KCNQ4: variants seen among roughly 807,000 people sequenced by gnomAD.
KCNQ4 encodes potassium voltage-gated channel subfamily KQT member 4.
KCNQ4 carries 31 observed loss-of-function variants against 72.6 expected under a neutral mutation model. The ratio of observed to expected loss-of-function variants is 0.43; its 90% CI spans 0.32 to 0.58. The LOEUF (loss-of-function observed/expected upper bound fraction) is 0.58. Among genes scored for constraint, KCNQ4 ranks in the 20% least tolerant of loss-of-function variants. KCNQ4 has a pLI of 0.08. For missense variants in KCNQ4, 869 were observed against 962.6 expected (o/e 0.90, Z 1.29); for synonymous variants, 405 against 403.7 (o/e 1.00, Z -0.04).
At chr1:40,824,301 C>T (rs1400247919) in intron 9 of KCNQ4, 43 bp downstream of exon 9, 1 of 1,580,124 alleles carries the variant, frequency 6.3e-7, no homozygotes, top group Non-Finnish European at 8.6e-7. Flanking sequence ...GCTTCTCCTC[C>T]TCTTCTTCCA....
intron 9 of KCNQ4, among the ~76,000 whole-genome samples, chr1:40,826,486 C>G (rs889935671): frequency 3.3e-5 from 5 of 152,184 alleles, no homozygotes; most frequent in African/African-American, 1.2e-4. Flanking sequence ...AGAACATCTA[C>G]GTTCTGGTGA....
Position 40,804,570 on chromosome 1 carries a change from C to A in KCNQ4, c.315-12695C>A, listed in dbSNP as rs117705564. Among the ~76,000 whole-genome samples, 192 of 152,320 alleles carry A rather than the reference C, an allele frequency of 1.3e-3. 5 individuals carry two copies. In the East Asian group the frequency reaches 0.032, roughly 25 times the overall value. ...GTGGCTCATGCCTGTAAGCCCAGCACTTTGGGAGATGGAGGCAGGAGAATT... is the reference window on the plus strand; with the variant it reads ...GTGGCTCATGCCTGTAAGCCCAGCAATTTGGGAGATGGAGGCAGGAGAATT... On this transcript the variant is annotated intron_variant, in intron 1 of 13. Coordinates refer to ENST00000347132, the MANE Select transcript of KCNQ4 (RefSeq NM_004700.4).
chr1:40,792,597 G>T (rs574378010), intron 1 of KCNQ4, among the ~76,000 whole-genome samples: 1 of 152,136 alleles, frequency 6.6e-6, no homozygotes, highest in Non-Finnish European at 1.5e-5. Flanking sequence ...CTGCCTCCCT[G>T]CTGCCCGTTC....
Position 40,784,153 on chromosome 1 carries a change from C to T in KCNQ4, c.60C>T (p.Arg20=), listed in dbSNP as rs1342847028. The T allele has an allele frequency of 1.9e-6, 2 of 1,057,116 alleles. No homozygotes were observed. The highest frequency in any genetic ancestry group is 6.0e-5 in the South Asian group (2 of 33,166). 65.5% of individuals were successfully genotyped at this position (1,057,116 alleles called of 1,614,324 possible). Residue 20 remains arginine, a synonymous_variant, in exon 1 of 14, where the codon CGC becomes CGT. Coordinates refer to ENST00000347132, the MANE Select transcript of KCNQ4 (RefSeq NM_004700.4). This position sits in a 1 kb window ranked among gnomAD's most constrained non-coding sequence, Gnocchi z 4.1. The stretch of plus-strand genomic sequence containing the variant: ...GTCCCCCGCCCGGGGACGCCCCCCG[C>T]GCGGAGCTAGTGGCGCTCACGGCCG... ...GLGPPPGDAP[R]AELVALTAVQ...
intron 2 of KCNQ4, 91 bp from the exon 3 acceptor site, chr1:40,818,073 C>T: frequency 5.1e-6 from 8 of 1,573,554 alleles, no homozygotes; most frequent in Non-Finnish European, 7.0e-6. Context: ...CCTGGTCCCC[C>T]TAACCCAGGG....
chr1:40,809,406 C>CCT (rs369365077), intron 1 of KCNQ4, among the ~76,000 whole-genome samples: 1 of 151,702 alleles, frequency 6.6e-6, no homozygotes, highest in Non-Finnish European at 1.5e-5. Context: ...TGCCCATAGC[C>CCT]CTCTCTCTCT....
chr1:40,828,133 C>G (rs1241684594), intron 9 of KCNQ4, among the ~76,000 whole-genome samples: 2 of 152,176 alleles, frequency 1.3e-5, no homozygotes, highest in African/African-American at 4.8e-5. Context: ...GCCTCTGTTC[C>G]CCCAGTGAGA....
At chr1:40,832,182 A>G (rs1162513247) in intron 10 of KCNQ4, among the ~76,000 whole-genome samples, 2 of 152,206 alleles carry the variant, frequency 1.3e-5, no homozygotes, top group African/African-American at 4.8e-5. Flanking sequence ...CAGCTTTGAC[A>G]TACTTTAGGC....
At chr1:40,830,973 G>C in intron 9 of KCNQ4, 111 bp from the exon 10 acceptor site, 1 of 877,152 alleles carries the variant, frequency 1.1e-6, no homozygotes, top group South Asian at 1.5e-5. Context: ...CGCTTGGCGG[G>C]GAATCCAGAC....
intron 1 of KCNQ4, among the ~76,000 whole-genome samples, chr1:40,785,478 C>A (rs558954822): frequency 9.8e-5 from 15 of 152,360 alleles, no homozygotes; most frequent in African/African-American, 3.4e-4. Context: ...GCCCACCTGC[C>A]TGCCCACCTG....
At chr1:40,812,610 A>G (rs989725868) in intron 1 of KCNQ4, among the ~76,000 whole-genome samples, 2 of 152,164 alleles carry the variant, frequency 1.3e-5, no homozygotes, top group Non-Finnish European at 2.9e-5. Context: ...ATGTAATGAG[A>G]GTATCAAGGG....
At position 40,784,589 on chromosome 1, in the gene KCNQ4, C is replaced by G. The variant is rs1179225157; in HGVS notation, c.314+182C>G. Among the ~76,000 whole-genome samples the G allele has an allele frequency of 3.3e-5, 5 of 152,092 alleles. No individual in the cohort carries two copies. Among genetic ancestry groups the G allele is most frequent in the African/African-American group, 1.2e-4 (5 of 41,420 alleles). ...GCTGAGCCCGACCCTAAGCCCTGAT[C>G]TCCCAGGCCTGACCCCTGCTTGACC... On this transcript the variant is annotated intron_variant, in intron 1 of 13. Coordinates refer to ENST00000347132, the MANE Select transcript of KCNQ4 (RefSeq NM_004700.4). The surrounding 1 kb of genome is among the most constrained non-coding windows in gnomAD (Gnocchi z 4.1).
At chr1:40,833,211 C>G in intron 11 of KCNQ4, 98 bp downstream of exon 11, 1 of 818,100 alleles carries the variant, frequency 1.2e-6, no homozygotes, top group South Asian at 1.4e-5. Flanking sequence ...GAGTTTGAGA[C>G]CAGCCTGGCC....
intron 1 of KCNQ4, among the ~76,000 whole-genome samples, chr1:40,816,344 C>T (rs577590442): frequency 4.2e-4 from 64 of 152,266 alleles, no homozygotes; most frequent in African/African-American, 1.5e-3. Flanking sequence ...CCTCTCACCT[C>T]GCTCTCCTTC....
At chr1:40,824,347 G>C in intron 9 of KCNQ4, 89 bp downstream of exon 9, 1 of 1,420,252 alleles carries the variant, frequency 7.0e-7, no homozygotes, top group Non-Finnish European at 9.6e-7. Context: ...CCTGCCTTCA[G>C]CCACTTCGTG....
At position 40,838,471 on chromosome 1, in the gene KCNQ4, T is replaced by A; in HGVS notation, c.2036T>A (p.Val679Asp). Residue 679 changes from valine to aspartate, a missense_variant, in exon 14 of 14, where the codon GTC becomes GAC. Transcript: ENST00000347132. ...HSPVDHEDIS[V>D]SAQTLSISRS... The stretch of plus-strand genomic sequence containing the variant: ...CCTGTGGACCACGAGGACATCTCCG[T>A]CTCCGCACAGACGCTCAGCATCTCC... The A allele has an allele frequency of 1.2e-6, 2 of 1,614,116 alleles. No homozygotes were observed. Among genetic ancestry groups the A allele is most frequent in the Non-Finnish European group, 1.7e-6 (2 of 1,179,974 alleles).
intron 1 of KCNQ4, among the ~76,000 whole-genome samples, chr1:40,810,567 AC>A (rs150971502): frequency 0.03 from 4,569 of 151,490 alleles, 239 homozygotes; most frequent in African/African-American, 0.1. Context: ...CATCTTTCCT[AC>A]CCCCATCATA....
rs1440532863 is a variant in KCNQ4, at chr1:40,839,448, C to A, written c.*925C>A. 3 of 152,382 alleles carry A rather than the reference C, an allele frequency of 2.0e-5. No individual in the cohort carries two copies. The East Asian group carries it at 5.8e-4, about 29-fold the overall frequency. The allele number at this position is 152,382 out of a possible 1,614,324, so 9.4% of individuals were successfully genotyped here. A position where few individuals can be genotyped will look rare whatever the true frequency, so the allele number is the denominator to read the frequency against. On this transcript the variant is annotated 3_prime_UTR_variant, in exon 14 of 14. Transcript: ENST00000347132. ...AGAAAGCCTCTCACACTTAAACATG[C>A]AATGACGTGACACACTTGGAGACAT...
At chr1:40,814,754 C>T (rs1648033862) in intron 1 of KCNQ4, among the ~76,000 whole-genome samples, 2 of 152,050 alleles carry the variant, frequency 1.3e-5, no homozygotes. Context: ...AAGCAGAAAG[C>T]AAAACAAAAG....
Sources: gnomAD v4.1 joint callset for allele counts (sites outside exome capture counted in the v4.1 genomes callset) on GRCh38, gnomAD v4.1.1 for gene constraint, Gnocchi (gnomAD v3.1) non-coding constraint, MANE v1.5 for transcripts, NCBI Gene and HGNC (gene_info 2026-07-23, HGNC 2026-07-21) for gene names.